PHKA1: variants seen among roughly 807,000 people sequenced by gnomAD.
PHKA1 encodes phosphorylase b kinase regulatory subunit alpha, skeletal muscle isoform.
A neutral mutation model predicts 110.2 loss-of-function variants in PHKA1; 60 were observed. That is an observed-to-expected ratio of 0.54 (90% CI 0.44 to 0.68). The LOEUF is 0.68. Ranked by LOEUF, PHKA1 falls within the 30% of genes least tolerant of loss-of-function variation. The pLI is 0.00. For synonymous variants in PHKA1, 316 were observed against 333.6 expected, an observed-to-expected ratio of 0.95 and a Z score of 0.58; for missense variants, 801 against 942.5, an observed-to-expected ratio of 0.85 and a Z score of 1.97.
At chrX:72,673,052 T>C (rs1257577740) in intron 6 of PHKA1, among the ~76,000 whole-genome samples, 1 of 111,749 alleles carries the variant, frequency 8.9e-6, no homozygotes, top group Admixed American at 9.5e-5. Flanking sequence ...AAATGTAATA[T>C]GTTATCTTAG....
At chrX:72,660,564 ATGT>A in intron 8 of PHKA1, 1 of 375,835 alleles carries the variant, frequency 2.7e-6, no homozygotes, top group Non-Finnish European at 4.7e-6. Context: ...GGTATAGACT[ATGT>A]AATACCTAAA....
Position 72,652,734 on chromosome X carries a change from A to C in PHKA1, c.1138-83T>G, listed in dbSNP as rs994886648. On this transcript the variant is annotated intron_variant, in intron 11 of 31. Transcript: ENST00000373542. ...TAATAAAAAGGTGGACTGGATTGTA[A>C]TTTATACCCTATGTAGCTACATATG... 6.9e-5 allele frequency: 42 copies of C among 607,069 alleles called. No homozygotes were observed. The African/African-American group carries it at 9.0e-4, about 13-fold the overall frequency. 50.0% of individuals were successfully genotyped at this position (607,069 alleles called of 1,213,427 possible). A position where few individuals can be genotyped will look rare whatever the true frequency, so the allele number is the denominator to read the frequency against.
chrX:72,609,934 G>A (rs2052783401), intron 22 of PHKA1, among the ~76,000 whole-genome samples: 1 of 110,131 alleles, frequency 9.1e-6, no homozygotes. Flanking sequence ...TGGTTTATGG[G>A]GTTTTTTTCT....
intron 18 of PHKA1, chrX:72,622,683 C>T (rs1444158973): frequency 1.1e-5 from 8 of 737,386 alleles, no homozygotes; most frequent in African/African-American, 2.3e-5. Flanking sequence ...CCAGAGATTC[C>T]GATATGCTCC....
rs1027930782 is a variant in PHKA1, at chrX:72,635,418, A to C, written c.1570-119T>G. The C allele has an allele frequency of 6.2e-6, 4 of 643,717 alleles. No homozygotes were observed. The Admixed American group carries it at 8.1e-5, about 13-fold the overall frequency. 53.0% of individuals were successfully genotyped at this position (643,717 alleles called of 1,213,427 possible). ...GATGTCACAGGGCAATGATACCCCC[A>C]CATTTAATGTCTAATACATTCCAAA... On this transcript the variant is annotated intron_variant, in intron 15 of 31. Coordinates refer to ENST00000373542, the MANE Select transcript of PHKA1 (RefSeq NM_002637.4).
chrX:72,675,249 TA>T (rs1181032765), intron 6 of PHKA1, among the ~76,000 whole-genome samples: 2 of 108,721 alleles, frequency 1.8e-5, no homozygotes, highest in African/African-American at 3.3e-5. Flanking sequence ...ATAAATAAAA[TA>T]AAAAAATGGA....
At chrX:72,621,711 G>C in intron 18 of PHKA1, 4 of 685,403 alleles carry the variant, frequency 5.8e-6, no homozygotes, top group Non-Finnish European at 6.9e-6. Flanking sequence ...AGAGCTGTAA[G>C]AATGGAGCTC....
Position 72,606,251 on chromosome X carries a change from C to T in PHKA1, c.2607-632G>A, listed in dbSNP as rs1283229598. ...ACCAACATCTCTTCAGCATCCCACC[C>T]CTACAATGGAATACTAGCTGTGCCT... On this transcript the variant is annotated intron_variant, in intron 23 of 31. Transcript: ENST00000373542. 1.7e-4 allele frequency among the ~76,000 whole-genome samples: 19 copies of T among 111,465 alleles called. No homozygotes were observed. The Admixed American group carries it at 1.8e-3, about 11-fold the overall frequency.
chrX:72,581,245 T>C (rs782193256), intron 31 of PHKA1, 70 bp from the exon 32 acceptor site: 1 of 685,821 alleles, frequency 1.5e-6, no homozygotes, highest in African/African-American at 2.1e-5. Context: ...AGTAAAGTCC[T>C]GATTAGCATA....
intron 11 of PHKA1, 30 bp from the exon 12 acceptor site, chrX:72,652,681 G>A: frequency 1.2e-6 from 1 of 858,479 alleles, no homozygotes; most frequent in Non-Finnish European, 1.7e-6. Context: ...GGCCAGATGA[G>A]GAATAATAGA....
intron 13 of PHKA1, among the ~76,000 whole-genome samples, chrX:72,645,176 A>T (rs1199883021): frequency 1.2e-4 from 13 of 111,439 alleles, no homozygotes; most frequent in African/African-American, 4.2e-4. Flanking sequence ...CAGCTTCCTG[A>T]TTCTTTTTTC....
In PHKA1 at chrX:72,591,126, G is replaced by A. The variant is rs189872929; in HGVS notation, c.3243+1978C>T. On this transcript the variant is annotated intron_variant, in intron 29 of 31. Coordinates refer to ENST00000373542, the MANE Select transcript of PHKA1 (RefSeq NM_002637.4). ...ATACATGCACATGTATGTTTATTGCGGCACTATTCACAATAGCAAAGACTT... is the reference window on the plus strand; with the variant it reads ...ATACATGCACATGTATGTTTATTGCAGCACTATTCACAATAGCAAAGACTT... Among the ~76,000 whole-genome samples, 70 of 111,652 alleles carry A rather than the reference G, an allele frequency of 6.3e-4. 2 individuals are homozygous for A. In the South Asian group the frequency reaches 7.2e-3, roughly 12 times the overall value.
At chrX:72,682,527 T>C (rs1358304721) in intron 5 of PHKA1, among the ~76,000 whole-genome samples, 1 of 108,394 alleles carries the variant, frequency 9.2e-6, no homozygotes, top group East Asian at 3.0e-4. Flanking sequence ...ATGGTTGCCG[T>C]GTCTGTGTGG....
intron 10 of PHKA1, among the ~76,000 whole-genome samples, chrX:72,655,252 A>T (rs1454887853): frequency 1.8e-5 from 2 of 111,861 alleles, no homozygotes; most frequent in African/African-American, 6.5e-5. Flanking sequence ...TACAAAAAAC[A>T]AACAAACAAA....
intron 3 of PHKA1, among the ~76,000 whole-genome samples, 170 bp from the exon 4 acceptor site, chrX:72,696,046 G>A (rs1432792122): frequency 8.9e-6 from 1 of 111,802 alleles, no homozygotes; most frequent in Non-Finnish European, 1.9e-5. Flanking sequence ...TAATATAACT[G>A]GAAAGTCTGT....
intron 18 of PHKA1, chrX:72,622,355 A>T (rs1476579476): frequency 6.6e-6 from 5 of 754,360 alleles, no homozygotes; most frequent in Non-Finnish European, 7.8e-6. Context: ...CTTAAGATAC[A>T]GGCTAACAGT....
At chrX:72,708,187 T>A (rs1244868009) in intron 2 of PHKA1, among the ~76,000 whole-genome samples, 1 of 112,040 alleles carries the variant, frequency 8.9e-6, no homozygotes, top group African/African-American at 3.2e-5. Context: ...GCATTCATGG[T>A]ACCATCAAAT....
intron 8 of PHKA1, among the ~76,000 whole-genome samples, chrX:72,665,198 T>TA: frequency 9.1e-6 from 1 of 110,217 alleles, no homozygotes; most frequent in Non-Finnish European, 1.9e-5. Flanking sequence ...AAATAAGAAA[T>TA]AAAAAAGAGA....
At chrX:72,703,325 G>A (rs981416449) in intron 3 of PHKA1, among the ~76,000 whole-genome samples, 4 of 111,990 alleles carry the variant, frequency 3.6e-5, no homozygotes, top group East Asian at 5.6e-4. Context: ...GACAGTAACC[G>A]TTATACCTTA....
Sources: gnomAD v4.1 joint callset for allele counts (sites outside exome capture counted in the v4.1 genomes callset) on GRCh38, gnomAD v4.1.1 for gene constraint, MANE v1.5 for transcripts, NCBI Gene and HGNC (gene_info 2026-07-23, HGNC 2026-07-21) for gene names.